Variants in CHST15 observed in about 807,000 individuals in gnomAD.
CHST15 encodes the protein carbohydrate sulfotransferase 15, also known as B cell RAG associated protein (GALNAC4S-6ST).
Under a neutral mutation model 53.6 loss-of-function variants are expected in CHST15, and 30 were observed. That is an observed-to-expected ratio of 0.56 (90% CI 0.42 to 0.76). CHST15 has a LOEUF of 0.76. Ranked by LOEUF, CHST15 falls within the 30% of genes least tolerant of loss-of-function variation. CHST15 has a pLI of 0.00. For missense variants in CHST15, 627 were observed against 740.5 expected (o/e 0.85, Z 1.78); for synonymous variants, 296 against 289.8 (o/e 1.02, Z -0.22).
Position 124,038,532 on chromosome 10 carries a change from G to A in CHST15, c.1173C>T (p.Leu391=). 1.2e-6 allele frequency: 2 copies of A among 1,614,192 alleles called. No individual in the cohort carries two copies. Among genetic ancestry groups the A allele is most frequent in the Middle Eastern group, 1.6e-4 (1 of 6,062 alleles). Residue 391 remains leucine (L), a synonymous_variant, in exon 5 of 8, where the codon CTC becomes CTT. Coordinates refer to ENST00000435907, the MANE Select transcript of CHST15 (RefSeq NM_001270764.2). The part of the protein sequence containing the change: ...FQPNARLIVM[L]RDPVERLYSD... ...CTGCTCACCTCTCCACAGGGTCCCT[G>A]AGCATGACAATCAGTCTGGCATTTG...
At position 124,038,521 on chromosome 10, in the gene CHST15, A is replaced by C; in HGVS notation, c.1184T>G (p.Val395Gly). ...ACACACAGAAACTGCTCACCTCTCC[A>C]CAGGGTCCCTGAGCATGACAATCAG... ...ARLIVMLRDP[V>G]ERLYSDYLYF... Residue 395 changes from valine (V) to glycine (G), a missense_variant, in exon 5 of 8, where the codon GTG becomes GGG. By Grantham distance (109) the Val-to-Gly change is moderately radical. Coordinates refer to ENST00000435907, the MANE Select transcript of CHST15 (RefSeq NM_001270764.2). 1 of 1,614,126 alleles carries C rather than the reference A, an allele frequency of 6.2e-7. No homozygotes were observed. The highest frequency in any genetic ancestry group is 1.1e-5 in the South Asian group (1 of 91,084).
chr10:124,069,773 T>C (rs1197977572), intron 1 of CHST15, among the ~76,000 whole-genome samples: 1 of 152,220 alleles, frequency 6.6e-6, no homozygotes, highest in Non-Finnish European at 1.5e-5. Flanking sequence ...GTCAGCCAGC[T>C]CATCCCTCGA....
Position 124,009,456 on chromosome 10 carries a change from T to G in CHST15, c.*693A>C, listed in dbSNP as rs952899239. ...GAAAGATGAAGGTGCTGCCAAAAAC[T>G]GACTTATTTTTTTCCTTTTGGAAAC... On this transcript the variant is annotated 3_prime_UTR_variant, in exon 8 of 8. Transcript: ENST00000435907. 2.5e-5 allele frequency: 25 copies of G among 988,540 alleles called. No individual in the cohort carries two copies. The highest frequency in any genetic ancestry group is 1.2e-4 in the Admixed American group (2 of 16,754). 61.2% of individuals were successfully genotyped at this position (988,540 alleles called of 1,614,324 possible). A position where few individuals can be genotyped will look rare whatever the true frequency, so the allele number is the denominator to read the frequency against.
intron 3 of CHST15, among the ~76,000 whole-genome samples, chr10:124,043,009 T>A (rs1166435612): frequency 6.6e-6 from 1 of 152,166 alleles, no homozygotes; most frequent in Non-Finnish European, 1.5e-5. Flanking sequence ...GGGGAACTGA[T>A]CATACTCTAG....
At chr10:124,079,231 T>C (rs771561188) in intron 1 of CHST15, among the ~76,000 whole-genome samples, 5 of 152,392 alleles carry the variant, frequency 3.3e-5, no homozygotes, top group Non-Finnish European at 5.9e-5. Context: ...TGTATATTAC[T>C]GTCACAACTA....
rs758243657 is a variant in CHST15, at chr10:124,045,112, C to CAAAAAAAAAAA, written c.547-204_547-194dup. 4.6e-3 allele frequency among the ~76,000 whole-genome samples: 156 copies of CAAAAAAAAAAA among 33,732 alleles called. 7 individuals carry two copies. Among genetic ancestry groups the CAAAAAAAAAAA allele is most frequent in the Middle Eastern group, 0.026 (1 of 38 alleles). The allele number at this position is 33,732 out of a possible 152,430, so 22.1% of individuals were successfully genotyped here. On this transcript the variant is annotated intron_variant, in intron 2 of 7. Coordinates refer to ENST00000435907, the MANE Select transcript of CHST15 (RefSeq NM_001270764.2). ...TGCTTTCCTCTCCCCCGCCGCCCCA[C>CAAAAAAAAAAA]AAAAAAAAAAAAAAAAAAAAAAAAA...
intron 5 of CHST15, among the ~76,000 whole-genome samples, chr10:124,032,431 G>C (rs1202967285): frequency 6.6e-6 from 1 of 152,170 alleles, no homozygotes; most frequent in Non-Finnish European, 1.5e-5. Flanking sequence ...TTGAATAAAG[G>C]AGGAATGCAA....
At chr10:124,013,947 C>T (rs778661452) in intron 6 of CHST15, among the ~76,000 whole-genome samples, 21 of 152,232 alleles carry the variant, frequency 1.4e-4, no homozygotes, top group African/African-American at 4.6e-4. Flanking sequence ...TTCCCCTGGT[C>T]TCTGCACTCT....
chr10:124,059,370 G>T (rs2134088994), intron 1 of CHST15, among the ~76,000 whole-genome samples: 2 of 152,268 alleles, frequency 1.3e-5, no homozygotes, highest in South Asian at 4.1e-4. Flanking sequence ...AAAGATGAGT[G>T]GTACATTCTA....
intron 6 of CHST15, among the ~76,000 whole-genome samples, chr10:124,017,969 G>A (rs191687401): frequency 1.3e-5 from 2 of 152,362 alleles, no homozygotes; most frequent in African/African-American, 2.4e-5. Flanking sequence ...CAGGCAAACT[G>A]GGTCACCTGG....
At chr10:124,083,312 C>A (rs1297303817) in intron 1 of CHST15, among the ~76,000 whole-genome samples, 1 of 152,112 alleles carries the variant, frequency 6.6e-6, no homozygotes, top group African/African-American at 2.4e-5. Flanking sequence ...AGGGGGCAGG[C>A]CTGCATTTTT....
chr10:124,058,758 G>A (rs751334045), intron 1 of CHST15, among the ~76,000 whole-genome samples: 1 of 152,204 alleles, frequency 6.6e-6, no homozygotes, highest in Non-Finnish European at 1.5e-5. Context: ...AAATTAAAGA[G>A]TCAGGGAACA....
intron 1 of CHST15, among the ~76,000 whole-genome samples, chr10:124,091,362 G>A (rs969655762): frequency 6.6e-6 from 1 of 152,174 alleles, no homozygotes; most frequent in African/African-American, 2.4e-5. Context: ...GGAAAGCGGG[G>A]GATGGATAAT....
At chr10:124,052,741 G>C (rs751507209) in intron 1 of CHST15, among the ~76,000 whole-genome samples, 1 of 152,186 alleles carries the variant, frequency 6.6e-6, no homozygotes, top group Non-Finnish European at 1.5e-5. Context: ...GTGCTTAAAA[G>C]AGTGTCTAGC....
At chr10:124,034,516 C>G (rs1446984854) in intron 5 of CHST15, among the ~76,000 whole-genome samples, 1 of 151,694 alleles carries the variant, frequency 6.6e-6, no homozygotes, top group Non-Finnish European at 1.5e-5. Flanking sequence ...ACTCAGGGAC[C>G]CTGGCTCCAC....
At chr10:124,053,226 G>A (rs1006967905) in intron 1 of CHST15, among the ~76,000 whole-genome samples, 5 of 152,210 alleles carry the variant, frequency 3.3e-5, no homozygotes, top group African/African-American at 1.2e-4. Context: ...AGCTACAGGA[G>A]TGACGTATTT....
chr10:124,077,103 G>C (rs1300365880), intron 1 of CHST15, among the ~76,000 whole-genome samples: 1 of 152,184 alleles, frequency 6.6e-6, no homozygotes, highest in Non-Finnish European at 1.5e-5. Context: ...TTTCTTATCA[G>C]GATTAAAGGA....
chr10:124,027,670 G>A (rs1318200512), intron 5 of CHST15, among the ~76,000 whole-genome samples: 1 of 152,214 alleles, frequency 6.6e-6, no homozygotes, highest in Non-Finnish European at 1.5e-5. Flanking sequence ...CCCTGTACAG[G>A]GTGCTGCATG....
At chr10:124,082,392 TC>T in intron 1 of CHST15, among the ~76,000 whole-genome samples, 1 of 152,294 alleles carries the variant, frequency 6.6e-6, no homozygotes, top group East Asian at 1.9e-4. Context: ...TGAACCACGT[TC>T]GCCCGAAGGC....
Sources: gnomAD v4.1 joint callset for allele counts (sites outside exome capture counted in the v4.1 genomes callset) on GRCh38, gnomAD v4.1.1 for gene constraint, MANE v1.5 for transcripts, NCBI Gene and HGNC (gene_info 2026-07-23, HGNC 2026-07-21) for gene names.